Variants in NUP85 observed in about 807,000 individuals in gnomAD.
NUP85 encodes the protein nuclear pore complex protein Nup85.
In NUP85, 23 loss-of-function variants were observed where a neutral mutation model predicts 92.8. The ratio of observed to expected loss-of-function variants is 0.25; its 90% CI spans 0.18 to 0.35. The LOEUF is 0.35. Among genes scored for constraint, NUP85 ranks in the 10% least tolerant of loss-of-function variants. The pLI is 1.00. For synonymous variants in NUP85, 314 were observed against 306.9 expected (o/e 1.02, Z -0.24); for missense variants, 759 against 822.8 (o/e 0.92, Z 0.95).
intron 2 of NUP85, among the ~76,000 whole-genome samples, chr17:75,209,071 C>T (rs372397817): frequency 7.5e-4 from 114 of 152,100 alleles, no homozygotes; most frequent in African/African-American, 2.4e-3. Flanking sequence ...TGTTGAATCC[C>T]GGAAAAAAAT....
intron 7 of NUP85, among the ~76,000 whole-genome samples, chr17:75,219,834 A>T (rs1018807481): frequency 6.6e-6 from 1 of 151,972 alleles, no homozygotes; most frequent in Non-Finnish European, 1.5e-5. Context: ...GACCTGAAGG[A>T]GGTGAGGAGA....
rs899038224 is a variant in NUP85 at position 75,234,758 on chromosome 17, A to G, written c.1737A>G (p.Thr579=). 3 of 1,614,172 alleles carry G rather than the reference A, an allele frequency of 1.9e-6. No individual in the cohort carries two copies. The change falls in exon 17 of 19, where the codon ACA becomes ACG. Residue 579 remains threonine, a synonymous_variant. Transcript: ENST00000245544. ...APRSFWMTLL[T]DALPLLEQKQ... ...GGTCTTTCTGGATGACTCTGCTGAC[A>G]GACGCCTTGCCCCTTTTGGAACAGA...
rs1028789641 is a variant in NUP85 at position 75,205,879 on chromosome 17, A to G, written c.33+85A>G. On this transcript the variant is annotated intron_variant, in intron 1 of 18. Transcript: ENST00000245544. The stretch of plus-strand genomic sequence containing the variant: ...TTACTTCAGGCTTGTCTGCTTCCCT[A>G]GTGGTCGCGAGGCGCTCGTCCCCTT... 27 of 1,479,306 alleles carry G rather than the reference A, an allele frequency of 1.8e-5. No homozygotes were observed. In the Admixed American group the frequency reaches 4.0e-4, roughly 22 times the overall value. 91.6% of individuals were successfully genotyped at this position (1,479,306 alleles called of 1,614,324 possible).
chr17:75,219,899 A>G (rs1284033004), intron 7 of NUP85, among the ~76,000 whole-genome samples: 1 of 151,682 alleles, frequency 6.6e-6, no homozygotes, highest in East Asian at 1.9e-4. Flanking sequence ...TGTGTTCTAG[A>G]GCCAGGGTGG....
intron 8 of NUP85, 31 bp from the exon 9 acceptor site, chr17:75,225,311 G>A: frequency 6.2e-7 from 1 of 1,613,988 alleles, no homozygotes; most frequent in South Asian, 1.1e-5. Context: ...GTGTGGATGG[G>A]ATGACGTCTC....
At position 75,228,190 on chromosome 17, in the gene NUP85, A is replaced by T. The variant is rs193163455; in HGVS notation, c.1094+2033A>T. 2.2e-3 allele frequency: 2,162 copies of T among 985,362 alleles called. 11 individuals are homozygous for T. Among genetic ancestry groups the T allele is most frequent in the South Asian group, 7.6e-3 (161 of 21,284 alleles). 61.0% of individuals were successfully genotyped at this position (985,362 alleles called of 1,614,324 possible). A position where few individuals can be genotyped will look rare whatever the true frequency, so the allele number is the denominator to read the frequency against. On this transcript the variant is annotated intron_variant, in intron 11 of 18. Coordinates refer to ENST00000245544, the MANE Select transcript of NUP85 (RefSeq NM_024844.5). ...GGAATAAAACAGATTTGAGCAGAAG[A>T]AGTCTGTTGGATGCAGGGAGTATAA...
In NUP85 at chr17:75,215,735, G is replaced by A; in HGVS notation, c.406-19G>A. On this transcript the variant is annotated intron_variant, in intron 5 of 18. Coordinates refer to ENST00000245544, the MANE Select transcript of NUP85 (RefSeq NM_024844.5). ...TCAGGAATCATTTCAGGTGAAACCT[G>A]TCCCCATTTCTTCCTTAGGTCTCCA... The A allele has an allele frequency of 6.2e-7, 1 of 1,611,960 alleles. No individual in the cohort carries two copies. The highest frequency in any genetic ancestry group is 1.1e-5 in the South Asian group (1 of 91,016).
Position 75,210,005 on chromosome 17 carries a change from G to T in NUP85, c.290+20G>T. ...ATCTCAGTAAGTTGGTTGCTGTTTG[G>T]TGTTGAAGCCCACACTACACTGTGG... On this transcript the variant is annotated intron_variant, in intron 3 of 18. Coordinates refer to ENST00000245544, the MANE Select transcript of NUP85 (RefSeq NM_024844.5). 6.3e-7 allele frequency: 1 copy of T among 1,587,826 alleles called. No individual in the cohort carries two copies. The highest frequency in any genetic ancestry group is 1.2e-5 in the South Asian group (1 of 85,284).
chr17:75,205,760 C>T lies in NUP85; in HGVS notation c.-2C>T. The stretch of plus-strand genomic sequence containing the variant: ...ACTTCTAGGAGCCTGGGGTTCGGCG[C>T]TATGGAGGAGCTCGATGGCGAGCCA... On this transcript the variant is annotated 5_prime_UTR_variant, in exon 1 of 19. Transcript: ENST00000245544. 6.2e-7 allele frequency: 1 copy of T among 1,614,182 alleles called. No homozygotes were observed. Among genetic ancestry groups the T allele is most frequent in the South Asian group, 1.1e-5 (1 of 91,088 alleles).
chr17:75,230,090 C>G (rs2075987507), intron 11 of NUP85, among the ~76,000 whole-genome samples: 1 of 148,100 alleles, frequency 6.8e-6, no homozygotes, highest in African/African-American at 2.5e-5. Context: ...GTCACTCAGG[C>G]TGGAGTGCAG....
chr17:75,208,576 G>T lies in NUP85; in HGVS notation c.83G>T (p.Gly28Val). ...SKKNQMYFDW[G>V]PGEMLVCETS... ...AAGAACCAAATGTATTTTGACTGGG[G>T]TCCAGGGGAGATGCTGGTATGTGAA... Residue 28 changes from glycine to valine, a missense_variant, in exon 2 of 19, where the codon GGT becomes GTT. By Grantham distance (109) the Gly-to-Val change is moderately radical (BLOSUM62 -3). Transcript: ENST00000245544. 6.2e-7 allele frequency: 1 copy of T among 1,610,448 alleles called. No homozygotes were observed. The highest frequency in any genetic ancestry group is 8.5e-7 in the Non-Finnish European group (1 of 1,177,042).
At chr17:75,234,843 A>G in intron 17 of NUP85, 55 bp downstream of exon 17, 1 of 1,541,368 alleles carries the variant, frequency 6.5e-7, no homozygotes. Flanking sequence ...GCTAGAGCTT[A>G]GTTGTATAGC....
chr17:75,215,503 C>T (rs1306850303), intron 5 of NUP85, among the ~76,000 whole-genome samples: 2 of 152,240 alleles, frequency 1.3e-5, no homozygotes, highest in African/African-American at 4.8e-5. Flanking sequence ...AGCCACTGCA[C>T]CTGGCCAAGT....
intron 11 of NUP85, chr17:75,229,026 C>T: frequency 1.0e-6 from 1 of 985,514 alleles, no homozygotes; most frequent in Non-Finnish European, 1.2e-6. Flanking sequence ...CAGTTCCTTG[C>T]TGTCTGGCAA....
chr17:75,232,260 G>A (rs2076092483), intron 14 of NUP85: 2 of 436,114 alleles, frequency 4.6e-6, no homozygotes, highest in African/African-American at 2.0e-5. Context: ...CAGGGCTGGG[G>A]TTGGCGCTGT....
At chr17:75,212,228 GGTTTT>G (rs2075288430) in intron 4 of NUP85, among the ~76,000 whole-genome samples, 166 bp downstream of exon 4, 2 of 84,564 alleles carry the variant, frequency 2.4e-5, no homozygotes, top group South Asian at 8.0e-4. Context: ...ATCATTTAGA[GGTTTT>G]TTTTTTTGTT....
At chr17:75,213,267 C>A in intron 5 of NUP85, 148 bp downstream of exon 5, 1 of 659,920 alleles carries the variant, frequency 1.5e-6, no homozygotes, top group South Asian at 1.8e-5. Flanking sequence ...GATTGTCTTG[C>A]CCCCTTCAAG....
chr17:75,220,665 G>A (rs2075571611), intron 7 of NUP85, among the ~76,000 whole-genome samples: 1 of 151,486 alleles, frequency 6.6e-6, no homozygotes, highest in Admixed American at 6.6e-5. Flanking sequence ...TCAGTTCACT[G>A]CAACCTCTGC....
chr17:75,234,898 G>A (rs760516189), intron 17 of NUP85, 110 bp downstream of exon 17: 8 of 1,358,190 alleles, frequency 5.9e-6, no homozygotes, highest in East Asian at 2.3e-5. Flanking sequence ...CTGCCTGTGC[G>A]CGTGTATTCC....
Sources: gnomAD v4.1 joint callset for allele counts (sites outside exome capture counted in the v4.1 genomes callset) on GRCh38, gnomAD v4.1.1 for gene constraint, MANE v1.5 for transcripts, NCBI Gene and HGNC (gene_info 2026-07-23, HGNC 2026-07-21) for gene names.